Variants in RARB observed in about 807,000 individuals in gnomAD.
The protein encoded by RARB is HBV-activated protein.
RARB carries 17 observed loss-of-function variants against 51.9 expected under a neutral mutation model. The ratio of observed to expected loss-of-function variants is 0.33; its 90% CI spans 0.22 to 0.49. RARB has a LOEUF of 0.49. RARB is among the 20% of genes least tolerant of loss of function. RARB has a pLI of 0.99. For synonymous variants in RARB, 215 were observed against 195.4 expected (o/e 1.10, Z -0.84); for missense variants, 369 against 550.8 (o/e 0.67, Z 3.30).
At chr3:25,392,000 C>A (rs1395937377) in intron 5 of RARB, among the ~76,000 whole-genome samples, 1 of 152,132 alleles carries the variant, frequency 6.6e-6, no homozygotes, top group Non-Finnish European at 1.5e-5. Flanking sequence ...CTGATGTTAT[C>A]TTCTAGAATT....
intron 1 of RARB, among the ~76,000 whole-genome samples, chr3:25,451,629 C>CTTGA (rs1298599941): frequency 6.6e-6 from 1 of 152,196 alleles, no homozygotes; most frequent in African/African-American, 2.4e-5. Flanking sequence ...ATCAATCATA[C>CTTGA]TTGAACTTCC....
intron 1 of RARB, among the ~76,000 whole-genome samples, chr3:24,853,801 A>G (rs561617662): frequency 7.2e-5 from 11 of 152,346 alleles, no homozygotes; most frequent in African/African-American, 2.4e-4. Context: ...CTTTGGGCAC[A>G]GGATAAAAGG....
intron 5 of RARB, among the ~76,000 whole-genome samples, chr3:25,267,633 G>C (rs1703157514): frequency 6.6e-6 from 1 of 152,118 alleles, no homozygotes; most frequent in South Asian, 2.1e-4. Flanking sequence ...CCATGCTTGA[G>C]TGAGGTTATT....
intron 5 of RARB, among the ~76,000 whole-genome samples, chr3:25,366,689 T>C (rs757873300): frequency 6.6e-6 from 1 of 152,234 alleles, no homozygotes; most frequent in Non-Finnish European, 1.5e-5. Flanking sequence ...CTTGTTCTTA[T>C]CAATCTATAT....
At chr3:25,211,678 A>C (rs550269092) in intron 5 of RARB, among the ~76,000 whole-genome samples, 74 of 152,316 alleles carry the variant, frequency 4.9e-4, no homozygotes, top group African/African-American at 1.6e-3. Flanking sequence ...AGGGCCCAAC[A>C]GTGAAATTTT....
At chr3:25,552,626 G>A (rs893463374) in intron 3 of RARB, among the ~76,000 whole-genome samples, 6 of 152,150 alleles carry the variant, frequency 3.9e-5, no homozygotes, top group Admixed American at 3.9e-4. Context: ...CAAGTTCTTA[G>A]AAGGTCAGTT....
At chr3:24,900,475 T>C (rs936655185) in intron 2 of RARB, among the ~76,000 whole-genome samples, 1 of 152,220 alleles carries the variant, frequency 6.6e-6, no homozygotes, top group Non-Finnish European at 1.5e-5. Context: ...AGTATGCACA[T>C]GAAGTATTGC....
At chr3:24,909,671 G>A (rs1242646340) in intron 2 of RARB, among the ~76,000 whole-genome samples, 1 of 146,846 alleles carries the variant, frequency 6.8e-6, no homozygotes, top group African/African-American at 2.5e-5. Flanking sequence ...CCTTCTATAT[G>A]TCAGTTTTAT....
At chr3:25,036,277 G>A (rs1346322239) in intron 2 of RARB, among the ~76,000 whole-genome samples, 1 of 152,026 alleles carries the variant, frequency 6.6e-6, no homozygotes, top group Non-Finnish European at 1.5e-5. Flanking sequence ...CAGAACTGAG[G>A]GTCAGAGCTG....
intron 3 of RARB, among the ~76,000 whole-genome samples, chr3:25,096,927 C>G (rs1699302802): frequency 6.6e-6 from 1 of 152,206 alleles, no homozygotes; most frequent in Non-Finnish European, 1.5e-5. Context: ...TGAAACCTCT[C>G]TGATCAAATC....
At position 24,966,097 on chromosome 3, in the gene RARB, A is replaced by ATTT. The variant is rs1225973734; in HGVS notation, c.-379-94016_-379-94014dup. Among the ~76,000 whole-genome samples, 3 of 85,612 alleles carry ATTT rather than the reference A, an allele frequency of 3.5e-5. No homozygotes were observed. The East Asian group carries it at 8.8e-4, about 25-fold the overall frequency. The allele number at this position is 85,612 out of a possible 152,430, so 56.2% of individuals were successfully genotyped here. A position where few individuals can be genotyped will look rare whatever the true frequency, so the allele number is the denominator to read the frequency against. ...ACTAAAGAGGCACCTTTATCTTTGA[A>ATTT]TTTTTTTTTTTTTTGGTTATTTTAG... On this transcript the variant is annotated intron_variant, in intron 2 of 11. Transcript: ENST00000383772.
chr3:25,017,518 G>T (rs1239129571), intron 2 of RARB, among the ~76,000 whole-genome samples: 1 of 152,136 alleles, frequency 6.6e-6, no homozygotes, highest in Non-Finnish European at 1.5e-5. Flanking sequence ...TTTAATATAT[G>T]TTCTAAGGAA....
At chr3:25,466,167 C>T (rs1429436569) in intron 2 of RARB, among the ~76,000 whole-genome samples, 1 of 152,122 alleles carries the variant, frequency 6.6e-6, no homozygotes. Context: ...GTGGCACATA[C>T]ATGCTTAGTT....
At chr3:25,396,343 A>C (rs1341192521) in intron 5 of RARB, among the ~76,000 whole-genome samples, 1 of 152,208 alleles carries the variant, frequency 6.6e-6, no homozygotes, top group Non-Finnish European at 1.5e-5. Context: ...TGCTGGTTGT[A>C]CTAGCCGTGG....
intron 2 of RARB, among the ~76,000 whole-genome samples, chr3:24,980,760 T>C (rs538347957): frequency 6.6e-6 from 1 of 152,342 alleles, no homozygotes; most frequent in African/African-American, 2.4e-5. Flanking sequence ...TGAAGCCTAC[T>C]TCTGTCAACT....
chr3:24,953,713 A>G (rs753248086), intron 2 of RARB, among the ~76,000 whole-genome samples: 1 of 152,168 alleles, frequency 6.6e-6, no homozygotes, highest in Non-Finnish European at 1.5e-5. Context: ...TTCAAAAACA[A>G]TTCTTCTGTC....
chr3:25,110,067 G>C (rs1284825156), intron 3 of RARB, among the ~76,000 whole-genome samples: 1 of 152,080 alleles, frequency 6.6e-6, no homozygotes, highest in Non-Finnish European at 1.5e-5. Flanking sequence ...ATTAAATCCT[G>C]TCTGTTAAAC....
chr3:25,305,781 C>T (rs1704140015), intron 5 of RARB, among the ~76,000 whole-genome samples: 1 of 152,124 alleles, frequency 6.6e-6, no homozygotes, highest in African/African-American at 2.4e-5. Flanking sequence ...AAATGTCACA[C>T]AGTGGTATAA....
Position 25,372,249 on chromosome 3 carries a change from C to T in RARB, c.179-88944C>T, listed in dbSNP as rs1000810762. 5.3e-5 allele frequency among the ~76,000 whole-genome samples: 8 copies of T among 152,164 alleles called. 1 individual carries two copies. Among genetic ancestry groups the T allele is most frequent in the Admixed American group, 4.6e-4 (7 of 15,276 alleles). Reference sequence around the variant, plus strand: ...GCATTTCATTCTGGATAATTCTTTGCTGTGAGGCCTGTCCTATGTATTGTA... The same window carrying T: ...GCATTTCATTCTGGATAATTCTTTGTTGTGAGGCCTGTCCTATGTATTGTA... On this transcript the variant is annotated intron_variant, in intron 5 of 11. Coordinates refer to the RARB transcript ENST00000383772.
Sources: allele counts gnomAD v4.1 joint callset (sites outside exome capture counted in the v4.1 genomes callset), GRCh38; gene constraint gnomAD v4.1.1; transcripts MANE v1.5; gene names NCBI Gene and HGNC (gene_info 2026-07-23, HGNC 2026-07-21).